NCOA1: variants seen among roughly 807,000 people sequenced by gnomAD.
The protein encoded by NCOA1 is Hin-2 protein.
A neutral mutation model predicts 150.9 loss-of-function variants in NCOA1; 35 were observed. That is an observed-to-expected ratio of 0.23 (90% CI 0.18 to 0.31). The LOEUF is 0.31. Among genes scored for constraint, NCOA1 ranks in the 10% least tolerant of loss-of-function variants. NCOA1 has a pLI of 1.00. For missense variants in NCOA1, 1,491 were observed against 1,749.3 expected (o/e 0.85, Z 2.63); for synonymous variants, 590 against 630.0 (o/e 0.94, Z 0.95).
intron 6 of NCOA1, among the ~76,000 whole-genome samples, chr2:24,671,170 T>C (rs1671664508): frequency 6.6e-6 from 1 of 152,214 alleles, no homozygotes; most frequent in African/African-American, 2.4e-5. Context: ...TTATATAATA[T>C]AATACTCTTA....
Position 24,707,503 on chromosome 2 carries a change from C to A in NCOA1, c.2033C>A (p.Ser678Tyr), listed in dbSNP as rs1401031949. The A allele has an allele frequency of 1.2e-6, 2 of 1,614,194 alleles. No homozygotes were observed. Among genetic ancestry groups the A allele is most frequent in the East Asian group, 2.2e-5 (1 of 44,884 alleles). Reference protein sequence around the residue: ...SANSSGGSCPSSHSSLTERHK... With the variant: ...SANSSGGSCPYSHSSLTERHK... Reference sequence around the variant, plus strand: ...AACTCTTCAGGAGGTTCTTGTCCCTCTTCTCATAGCTCATTGACAGAACGG... The same window carrying A: ...AACTCTTCAGGAGGTTCTTGTCCCTATTCTCATAGCTCATTGACAGAACGG... Residue 678 changes from serine (S) to tyrosine (Y), a missense_variant, in exon 13 of 23, where the codon TCT (serine) becomes TAT (tyrosine). Physicochemically the swap from Ser to Tyr is moderately radical, Grantham distance 144. Transcript: ENST00000348332.
At chr2:24,747,519 G>A (rs895041654) in intron 19 of NCOA1, among the ~76,000 whole-genome samples, 2 of 151,364 alleles carry the variant, frequency 1.3e-5, no homozygotes, top group African/African-American at 2.4e-5. Flanking sequence ...TTATAGAAAC[G>A]GGTCTCACTA....
intron 3 of NCOA1, among the ~76,000 whole-genome samples, chr2:24,628,507 A>G (rs750515843): frequency 2.6e-4 from 40 of 152,116 alleles, no homozygotes; most frequent in Middle Eastern, 6.8e-3. Flanking sequence ...TTGTGTATCT[A>G]CTCTGCTCCA....
chr2:24,577,239 A>T lies in NCOA1; in HGVS notation c.-259-7237A>T, dbSNP rs148001095. On this transcript the variant is annotated intron_variant, in intron 2 of 22. Coordinates refer to ENST00000348332, the MANE Select transcript of NCOA1 (RefSeq NM_003743.5). ...TCTCTACTCAAATGAATGAGTGAAT[A>T]AATTAGTAATCGAATAAATGTAGAC... is the stretch of plus-strand genomic sequence containing the variant. Among the ~76,000 whole-genome samples the T allele has an allele frequency of 3.5e-4, 54 of 152,346 alleles. No individual in the cohort carries two copies. In the East Asian group the frequency reaches 9.8e-3, roughly 28 times the overall value.
intron 3 of NCOA1, among the ~76,000 whole-genome samples, chr2:24,623,871 C>A (rs1669285026): frequency 6.6e-6 from 1 of 152,200 alleles, no homozygotes; most frequent in African/African-American, 2.4e-5. Flanking sequence ...ACCTTAGTTA[C>A]CTCCTTACTA....
At chr2:24,631,230 T>C (rs1393953217) in intron 3 of NCOA1, among the ~76,000 whole-genome samples, 6 of 152,146 alleles carry the variant, frequency 3.9e-5, no homozygotes, top group African/African-American at 1.4e-4. Context: ...GCCATTAGTG[T>C]TAATGGTTTA....
intron 3 of NCOA1, among the ~76,000 whole-genome samples, chr2:24,622,469 C>T (rs933846262): frequency 6.6e-6 from 1 of 152,164 alleles, no homozygotes; most frequent in Non-Finnish European, 1.5e-5. Flanking sequence ...CTGCCCTATA[C>T]TTATGATTAT....
intron 3 of NCOA1, among the ~76,000 whole-genome samples, chr2:24,622,237 T>C (rs1332737527): frequency 2.0e-5 from 3 of 152,184 alleles, no homozygotes; most frequent in Non-Finnish European, 4.4e-5. Flanking sequence ...AAATAATTTA[T>C]CCTCATATAC....
chr2:24,677,621 G>A (rs1002792377), intron 7 of NCOA1, among the ~76,000 whole-genome samples: 1 of 151,968 alleles, frequency 6.6e-6, no homozygotes, highest in East Asian at 1.9e-4. Context: ...ATGGGGTTTC[G>A]CCATGTTGGC....
chr2:24,645,947 T>C (rs62142312), intron 4 of NCOA1, among the ~76,000 whole-genome samples: 2,448 of 152,310 alleles, frequency 0.016, 28 homozygotes, highest in Middle Eastern at 0.024. Flanking sequence ...GAGAGCCATC[T>C]CTTTAAGAGT....
intron 1 of NCOA1, among the ~76,000 whole-genome samples, chr2:24,548,913 G>A (rs1296379132): frequency 1.3e-5 from 2 of 152,124 alleles, no homozygotes; most frequent in African/African-American, 4.8e-5. Flanking sequence ...TTTTCCAGGT[G>A]CATGGTGCAA....
intron 17 of NCOA1, among the ~76,000 whole-genome samples, chr2:24,734,572 A>G (rs559394971): frequency 5.3e-5 from 8 of 152,266 alleles, no homozygotes; most frequent in African/African-American, 1.9e-4. Context: ...AGGCAGGAAG[A>G]TTGCTTGAGG....
intron 21 of NCOA1, among the ~76,000 whole-genome samples, chr2:24,760,660 G>A (rs1252971439): frequency 2.0e-5 from 3 of 152,068 alleles, no homozygotes; most frequent in African/African-American, 4.8e-5. Flanking sequence ...TTCCATGTAT[G>A]ATTGATGTTT....
At chr2:24,608,252 T>C (rs1267879797) in intron 3 of NCOA1, among the ~76,000 whole-genome samples, 2 of 84,596 alleles carry the variant, frequency 2.4e-5, no homozygotes, top group Non-Finnish European at 4.6e-5. Flanking sequence ...TCCCCTATTA[T>C]TATTATTATT....
intron 10 of NCOA1, among the ~76,000 whole-genome samples, 180 bp downstream of exon 10, chr2:24,693,527 TATC>T (rs1672765910): frequency 6.6e-6 from 1 of 152,162 alleles, no homozygotes; most frequent in African/African-American, 2.4e-5. Context: ...CTATGATCAT[TATC>T]ATGGTCAGGG....
At chr2:24,612,156 T>C (rs1246053182) in intron 3 of NCOA1, among the ~76,000 whole-genome samples, 5 of 152,192 alleles carry the variant, frequency 3.3e-5, no homozygotes, top group Non-Finnish European at 7.3e-5. Context: ...AGATTTTATT[T>C]CTTCTTTGCT....
intron 3 of NCOA1, among the ~76,000 whole-genome samples, chr2:24,600,510 T>C (rs1023698041): frequency 3.9e-5 from 6 of 152,234 alleles, no homozygotes; most frequent in African/African-American, 1.4e-4. Context: ...CCTGTCTGCA[T>C]TGAAATTATT....
intron 1 of NCOA1, among the ~76,000 whole-genome samples, chr2:24,559,124 T>C (rs1203650431): frequency 6.6e-6 from 1 of 152,174 alleles, no homozygotes; most frequent in Non-Finnish European, 1.5e-5. Flanking sequence ...TGATATCTTT[T>C]TCTTTTTGTT....
intron 3 of NCOA1, among the ~76,000 whole-genome samples, chr2:24,633,812 C>T (rs1669813246): frequency 6.6e-6 from 1 of 152,150 alleles, no homozygotes; most frequent in Admixed American, 6.5e-5. Flanking sequence ...GCAAATATTA[C>T]AATCTAGAAA....
Sources: gnomAD v4.1 joint callset for allele counts (sites outside exome capture counted in the v4.1 genomes callset) on GRCh38, gnomAD v4.1.1 for gene constraint, MANE v1.5 for transcripts, NCBI Gene and HGNC (gene_info 2026-07-23, HGNC 2026-07-21) for gene names.